The following ST18 variants were observed in gnomAD, a reference collection of about 807,000 sequenced individuals.
ST18 encodes ST18 C2H2C-type zinc finger transcription factor, also known as suppression of tumorigenicity 18 protein.
Under a neutral mutation model 110.0 loss-of-function variants are expected in ST18, and 50 were observed. The observed-to-expected ratio is 0.45, with a 90% CI of 0.36 to 0.58. The LOEUF (loss-of-function observed/expected upper bound fraction) is 0.58, where lower values mean the gene tolerates loss of function less well. Ranked by LOEUF, ST18 falls within the 20% of genes least tolerant of loss-of-function variation. The pLI is 0.00. For missense variants in ST18, 1,306 were observed against 1,280.1 expected, an observed-to-expected ratio of 1.02 and a Z score of -0.31; for synonymous variants, 461 against 452.4, an observed-to-expected ratio of 1.02 and a Z score of -0.24.
chr8:52,294,188 C>A (rs2095597192), intron 2 of ST18, among the ~76,000 whole-genome samples: 3 of 152,204 alleles, frequency 2.0e-5, no homozygotes, highest in African/African-American at 7.2e-5. Context: ...TTCCACATAT[C>A]ATAAGTGGAA....
At chr8:52,231,034 G>T (rs897765967) in intron 2 of ST18, among the ~76,000 whole-genome samples, 1 of 152,088 alleles carries the variant, frequency 6.6e-6, no homozygotes, top group African/African-American at 2.4e-5. Flanking sequence ...AGCATTGCTC[G>T]TACATGAAAA....
At chr8:52,313,802 G>A (rs1052429959) in intron 2 of ST18, among the ~76,000 whole-genome samples, 12 of 152,256 alleles carry the variant, frequency 7.9e-5, no homozygotes, top group African/African-American at 2.4e-4. Context: ...GAGGCCTCCC[G>A]CAGCAATGGG....
chr8:52,215,730 C>T (rs2083936763), intron 6 of ST18, among the ~76,000 whole-genome samples: 1 of 152,096 alleles, frequency 6.6e-6, no homozygotes, highest in East Asian at 1.9e-4. Context: ...TGTCAATTTT[C>T]CTTCTTTTCA....
chr8:52,390,969 C>A (rs1255164240), intron 2 of ST18, among the ~76,000 whole-genome samples: 1 of 152,198 alleles, frequency 6.6e-6, no homozygotes, highest in Admixed American at 6.5e-5. Context: ...ACAGTCTATT[C>A]ATCTTTGGCA....
chr8:52,320,345 G>A (rs1046862013), intron 2 of ST18, among the ~76,000 whole-genome samples: 1 of 152,108 alleles, frequency 6.6e-6, no homozygotes, highest in Admixed American at 6.5e-5. Flanking sequence ...GGCAGACATG[G>A]AAAGGAGGCT....
At chr8:52,356,556 A>C (rs1345920731) in intron 2 of ST18, among the ~76,000 whole-genome samples, 1 of 152,346 alleles carries the variant, frequency 6.6e-6, no homozygotes. Flanking sequence ...CTAGTTTTCA[A>C]CAAGAATTTA....
intron 2 of ST18, among the ~76,000 whole-genome samples, chr8:52,250,775 G>C (rs952677332): frequency 6.6e-6 from 1 of 151,514 alleles, no homozygotes; most frequent in Non-Finnish European, 1.5e-5. Flanking sequence ...TATTTACTTT[G>C]CTGGGAAAGG....
At chr8:52,260,739 G>A (rs1283593076) in intron 2 of ST18, among the ~76,000 whole-genome samples, 1 of 152,062 alleles carries the variant, frequency 6.6e-6, no homozygotes, top group Non-Finnish European at 1.5e-5. Flanking sequence ...TTTCTATTTA[G>A]ATTGATTTGT....
intron 13 of ST18, among the ~76,000 whole-genome samples, chr8:52,163,396 A>C (rs1480397819): frequency 2.6e-5 from 4 of 152,236 alleles, no homozygotes; most frequent in Admixed American, 2.6e-4. Flanking sequence ...ATATAACTTT[A>C]CATTAAATAT....
intron 22 of ST18, among the ~76,000 whole-genome samples, chr8:52,126,555 G>A (rs1488008620): frequency 6.6e-6 from 1 of 152,204 alleles, no homozygotes; most frequent in Non-Finnish European, 1.5e-5. Flanking sequence ...GCAGAATCTA[G>A]TTCTTCCTTC....
chr8:52,276,986 C>T (rs561293400), intron 2 of ST18, among the ~76,000 whole-genome samples: 1 of 152,020 alleles, frequency 6.6e-6, no homozygotes, highest in Admixed American at 6.6e-5. Flanking sequence ...AGGCTGGTCA[C>T]GAACTCCTGA....
At chr8:52,260,155 A>G (rs2094641545) in intron 2 of ST18, among the ~76,000 whole-genome samples, 1 of 152,218 alleles carries the variant, frequency 6.6e-6, no homozygotes, top group South Asian at 2.1e-4. Context: ...ACACTAAAAC[A>G]TAGTTTACAA....
In ST18 at chr8:52,149,718, T is replaced by C; in HGVS notation, c.2052+14A>G. 6.2e-7 allele frequency: 1 copy of C among 1,611,004 alleles called. No homozygotes were observed. Among genetic ancestry groups the C allele is most frequent in the Non-Finnish European group, 8.5e-7 (1 of 1,178,058 alleles). On this transcript the variant is annotated intron_variant, in intron 16 of 25. Coordinates refer to ENST00000689386, the MANE Select transcript of ST18 (RefSeq NM_001352837.2). The stretch of plus-strand genomic sequence containing the variant: ...GCTGTCTTCAACTTATTGATTGACA[T>C]ATGGAAACAATACCTCTTTCTCCTC...
At chr8:52,381,135 C>T (rs1349302938) in intron 2 of ST18, among the ~76,000 whole-genome samples, 1 of 152,162 alleles carries the variant, frequency 6.6e-6, no homozygotes, top group Non-Finnish European at 1.5e-5. Flanking sequence ...CCACAAGTTC[C>T]CTGTATTTAG....
At position 52,384,622 on chromosome 8, in the gene ST18, C is replaced by A. The variant is rs116855896; in HGVS notation, c.-465+24706G>T. Among the ~76,000 whole-genome samples the A allele has an allele frequency of 2.5e-4, 38 of 152,314 alleles. 1 individual carries two copies. In the East Asian group the frequency reaches 7.1e-3, roughly 29 times the overall value. On this transcript the variant is annotated intron_variant, in intron 2 of 25. Coordinates refer to ENST00000689386, the MANE Select transcript of ST18 (RefSeq NM_001352837.2). The stretch of plus-strand genomic sequence containing the variant: ...TTAATTCAACTCTCTCACCAATCTA[C>A]AATGCCACACCTCCCCCGCCCTCCT...
chr8:52,219,678 G>GT (rs1417897015), intron 5 of ST18, among the ~76,000 whole-genome samples: 1 of 152,146 alleles, frequency 6.6e-6, no homozygotes, highest in African/African-American at 2.4e-5. Context: ...TTTAAGTAGA[G>GT]TTTTCTGGGA....
intron 2 of ST18, among the ~76,000 whole-genome samples, chr8:52,302,234 C>G (rs561958770): frequency 6.6e-6 from 1 of 152,186 alleles, no homozygotes; most frequent in South Asian, 2.1e-4. Flanking sequence ...AGCCACGTCT[C>G]CCAGTATCAG....
intron 8 of ST18, among the ~76,000 whole-genome samples, chr8:52,207,095 G>C (rs1378514467): frequency 6.6e-6 from 1 of 152,030 alleles, no homozygotes; most frequent in Non-Finnish European, 1.5e-5. Flanking sequence ...CTGATATAAA[G>C]ACTATAATGA....
intron 8 of ST18, among the ~76,000 whole-genome samples, chr8:52,198,491 C>T (rs1042654943): frequency 3.3e-5 from 5 of 152,110 alleles, no homozygotes; most frequent in Admixed American, 1.3e-4. Context: ...GGAATGCTTC[C>T]GTTTATCCAT....
Sources: allele counts gnomAD v4.1 joint callset (sites outside exome capture counted in the v4.1 genomes callset), GRCh38; gene constraint gnomAD v4.1.1; transcripts MANE v1.5; gene names NCBI Gene and HGNC (gene_info 2026-07-23, HGNC 2026-07-21).